Variants in FNIP1 observed in about 807,000 individuals in gnomAD.
FNIP1 encodes folliculin interacting protein 1, also known as folliculin-interacting protein 1.
FNIP1 carries 40 observed loss-of-function variants against 124.5 expected under a neutral mutation model. The ratio of observed to expected loss-of-function variants is 0.32; its 90% CI spans 0.25 to 0.42. The LOEUF is 0.42. FNIP1 is among the 10% of genes least tolerant of loss of function. FNIP1 has a pLI of 1.00. For synonymous variants in FNIP1, 472 were observed against 470.6 expected (o/e 1.00, Z -0.04); for missense variants, 1,176 against 1,403.7 (o/e 0.84, Z 2.59).
At position 131,672,372 on chromosome 5, in the gene FNIP1, T is replaced by A; in HGVS notation, c.2072A>T (p.Lys691Ile). Residue 691 changes from lysine (K) to isoleucine (I), a missense_variant, in exon 14 of 18, where the codon AAA becomes ATA. Lys to Ile is a moderately radical substitution (Grantham distance 102). This residue lies in a region of FNIP1 where 1,109 missense variants were observed against 1,288.5 expected (regional missense o/e 0.86). Transcript: ENST00000510461. ...TAAGCCTGACTCTGACAATGCACAT[T>A]TGTCTACTGGAACAGATCCTGTGCA... Reference protein sequence around the residue: ...VVCTGSVPVDKCALSESGLES... With the variant: ...VVCTGSVPVDICALSESGLES... 1.2e-6 allele frequency: 2 copies of A among 1,614,190 alleles called. No homozygotes were observed. Among genetic ancestry groups the A allele is most frequent in the Non-Finnish European group, 1.7e-6 (2 of 1,180,032 alleles).
At chr5:131,681,778 A>AC (rs1768093417) in intron 11 of FNIP1, among the ~76,000 whole-genome samples, 1 of 151,138 alleles carries the variant, frequency 6.6e-6, no homozygotes. Flanking sequence ...AAAAAAAAAA[A>AC]CGGATTCCAG....
At chr5:131,704,306 A>G in intron 9 of FNIP1, 40 bp from the exon 10 acceptor site, 1 of 1,459,474 alleles carries the variant, frequency 6.9e-7, no homozygotes, top group Non-Finnish European at 9.3e-7. Context: ...ACAAAAGTAA[A>G]AATAAATTCA....
At chr5:131,744,243 A>T (rs577216362) in intron 2 of FNIP1, among the ~76,000 whole-genome samples, 4 of 151,730 alleles carry the variant, frequency 2.6e-5, no homozygotes, top group African/African-American at 7.2e-5. Flanking sequence ...CGAGATAATT[A>T]AAAAAAAATC....
chr5:131,735,626 G>A (rs922551262), intron 2 of FNIP1, among the ~76,000 whole-genome samples: 1 of 148,086 alleles, frequency 6.8e-6, no homozygotes, highest in Non-Finnish European at 1.5e-5. Flanking sequence ...ATTTATATAT[G>A]TATACGTATA....
At position 131,730,933 on chromosome 5, in the gene FNIP1, C is replaced by A; in HGVS notation, c.325G>T (p.Asp109Tyr). Residue 109 changes from aspartate to tyrosine, a missense_variant, in exon 3 of 18, where the codon GAT becomes TAT. Transcript: ENST00000510461. Reference protein sequence around the residue: ...SLDSSVTSSSDIKDQCLKYQG... With the variant: ...SLDSSVTSSSYIKDQCLKYQG... Reference sequence around the variant, plus strand: ...TACTTAAGACACTGGTCTTTTATATCAGAAGATGAAGTCACAGAACTATCT... The same window carrying A: ...TACTTAAGACACTGGTCTTTTATATAAGAAGATGAAGTCACAGAACTATCT... The A allele has an allele frequency of 6.2e-7, 1 of 1,607,678 alleles. No individual in the cohort carries two copies. The highest frequency in any genetic ancestry group is 8.5e-7 in the Non-Finnish European group (1 of 1,177,562).
intron 11 of FNIP1, 133 bp downstream of exon 11, chr5:131,698,784 G>T: frequency 1.6e-6 from 1 of 611,100 alleles, no homozygotes; most frequent in Non-Finnish European, 2.7e-6. Context: ...AGGAGCCAAT[G>T]GTCTACTGAA....
intron 1 of FNIP1, among the ~76,000 whole-genome samples, chr5:131,770,137 T>C (rs1326008730): frequency 6.6e-6 from 1 of 152,184 alleles, no homozygotes; most frequent in Non-Finnish European, 1.5e-5. Context: ...CACATACACA[T>C]TCCTGGAAGC....
chr5:131,659,172 T>C (rs73788724), intron 15 of FNIP1, among the ~76,000 whole-genome samples: 4,612 of 152,244 alleles, frequency 0.03, 234 homozygotes, highest in African/African-American at 0.1. Context: ...AGAGTGACGA[T>C]CTTCTGCACC....
At position 131,671,781 on chromosome 5, in the gene FNIP1, A is replaced by G; in HGVS notation, c.2663T>C (p.Ile888Thr). 1 of 1,614,078 alleles carries G rather than the reference A, an allele frequency of 6.2e-7. No homozygotes were observed. The highest frequency in any genetic ancestry group is 8.5e-7 in the Non-Finnish European group (1 of 1,180,010). The change falls in exon 14 of 18, where the codon ATA (isoleucine) becomes ACA (threonine). Residue 888 changes from isoleucine to threonine, a missense_variant. By Grantham distance (89) the Ile-to-Thr change is moderately conservative (BLOSUM62 -1). Transcript: ENST00000510461. ...ACATGAATCTTGGGGAACTGTTTCT[A>G]TACATTTACAAAATTCATTGTTCTG... is the stretch of plus-strand genomic sequence containing the variant. ...NKQNNEFCKC[I>T]ETVPQDSCKT...
At chr5:131,700,468 A>T (rs758120787) in intron 10 of FNIP1, among the ~76,000 whole-genome samples, 14 of 152,234 alleles carry the variant, frequency 9.2e-5, no homozygotes, top group African/African-American at 1.2e-4. Context: ...TAAAAAAATA[A>T]TTAAGATGTC....
intron 11 of FNIP1, among the ~76,000 whole-genome samples, chr5:131,685,613 T>A (rs966414605): frequency 6.3e-4 from 96 of 152,026 alleles, no homozygotes; most frequent in Non-Finnish European, 1.2e-3. Context: ...GCCGCCACTA[T>A]CCAGCTAATT....
chr5:131,670,400 T>TTGGG, intron 15 of FNIP1, 63 bp downstream of exon 15: 2 of 1,403,676 alleles, frequency 1.4e-6, no homozygotes, highest in Non-Finnish European at 1.9e-6. Context: ...TAAGGCAATT[T>TTGGG]TGGGTTCTGC....
chr5:131,654,604 A>G (rs1349003214), intron 15 of FNIP1, among the ~76,000 whole-genome samples: 2 of 152,254 alleles, frequency 1.3e-5, no homozygotes, highest in African/African-American at 4.8e-5. Context: ...AAAATGTGTT[A>G]CTGATGAAGC....
intron 1 of FNIP1, among the ~76,000 whole-genome samples, chr5:131,754,739 C>A (rs1044888050): frequency 1.3e-5 from 2 of 152,170 alleles, no homozygotes; most frequent in Admixed American, 6.5e-5. Context: ...ACTTCTTCAT[C>A]CAGGCAATGA....
intron 1 of FNIP1, among the ~76,000 whole-genome samples, chr5:131,757,026 A>G (rs1234248984): frequency 6.6e-6 from 1 of 152,248 alleles, no homozygotes; most frequent in East Asian, 1.9e-4. Context: ...AAAAGGAGCA[A>G]GGCTGTTAAG....
rs546113407 is a variant in FNIP1, at chr5:131,786,958, C to T, written c.92+9872G>A. On this transcript the variant is annotated intron_variant, in intron 1 of 17. Transcript: ENST00000510461. ...GGAAGAAATTCTAACATCTGAGTAC[C>T]TACTATGCCATTTAATCCTCAAAAC... 1.4e-4 allele frequency among the ~76,000 whole-genome samples: 22 copies of T among 152,276 alleles called. No homozygotes were observed. The East Asian group carries it at 1.7e-3, about 12-fold the overall frequency.
At position 131,719,328 on chromosome 5, in the gene FNIP1, A is replaced by T. The variant is rs138507815; in HGVS notation, c.444T>A (p.Ile148=). The part of the protein sequence containing the change: ...AMSYKGSTLK[I]HQIRSPPQLM... ...AGAAAACCTCTCACCGAATCTGATG[A>T]ATTTTTAAGGTGGATCCTTTGTAGC... The change falls in exon 4 of 18, where the codon ATT becomes ATA. Residue 148 remains isoleucine (I), a synonymous_variant. Coordinates refer to ENST00000510461, the MANE Select transcript of FNIP1 (RefSeq NM_133372.3). 6.2e-6 allele frequency: 10 copies of T among 1,603,566 alleles called. No homozygotes were observed. The African/African-American group carries it at 1.2e-4, about 19-fold the overall frequency.
chr5:131,760,421 C>G (rs570549479), intron 1 of FNIP1, among the ~76,000 whole-genome samples: 1 of 152,248 alleles, frequency 6.6e-6, no homozygotes, highest in Admixed American at 6.5e-5. Context: ...GTGATCAACT[C>G]TTTTCCTTAT....
intron 15 of FNIP1, among the ~76,000 whole-genome samples, chr5:131,666,080 G>C (rs1460934038): frequency 6.6e-6 from 1 of 150,782 alleles, no homozygotes; most frequent in Non-Finnish European, 1.5e-5. Flanking sequence ...GCAGAGATGA[G>C]GTTTCACTGT....
Sources: allele counts gnomAD v4.1 joint callset (sites outside exome capture counted in the v4.1 genomes callset), GRCh38; gene constraint gnomAD v4.1.1; regional missense constraint gnomAD v4.1.1; transcripts MANE v1.5; gene names NCBI Gene and HGNC (gene_info 2026-07-23, HGNC 2026-07-21).